ACOT11: variants seen among roughly 807,000 people sequenced by gnomAD.
ACOT11 encodes the protein acyl-CoA thioesterase 11.
In ACOT11, 69 loss-of-function variants were observed where a neutral mutation model predicts 77.5. The observed-to-expected ratio is 0.89, with a 90% CI of 0.73 to 1.09. ACOT11 has a LOEUF of 1.09. Ranked by LOEUF, ACOT11 falls within the 50% of genes least tolerant of loss-of-function variation. The pLI is 0.00. For synonymous variants in ACOT11, 279 were observed against 313.0 expected, an observed-to-expected ratio of 0.89 and a Z score of 1.15; for missense variants, 766 against 813.7, an observed-to-expected ratio of 0.94 and a Z score of 0.71.
In ACOT11 at chr1:54,625,953, AGAAAGAAAGAAAAAAAGAAAAG is replaced by A. The variant is rs1644269938; in HGVS notation, c.1630-4780_1630-4759del. Among the ~76,000 whole-genome samples, 4 of 119,914 alleles carry A rather than the reference AGAAAGAAAGAAAAAAAGAAAAG, an allele frequency of 3.3e-5. 1 individual carries two copies. In the South Asian group the frequency reaches 8.4e-4, roughly 25 times the overall value. 78.7% of individuals were successfully genotyped at this position (119,914 alleles called of 152,430 possible). A position where few individuals can be genotyped will look rare whatever the true frequency, so the allele number is the denominator to read the frequency against. On this transcript the variant is annotated intron_variant, in intron 15 of 16. Coordinates refer to the ACOT11 transcript ENST00000371316. ...AAACTCTGTCTCAAAAAAAAAAAAA[AGAAAGAAAGAAAAAAAGAAAAG>A]AAAAGGCCAGCATGGTGGCTCACAC...
At chr1:54,616,525 C>A (rs1644175672) in intron 15 of ACOT11, among the ~76,000 whole-genome samples, 1 of 151,986 alleles carries the variant, frequency 6.6e-6, no homozygotes. Context: ...AGGCGTGTGC[C>A]ACCATGCCTA....
chr1:54,608,408 AGCGCAGTCC>A (rs944658998), intron 15 of ACOT11, among the ~76,000 whole-genome samples: 22 of 152,122 alleles, frequency 1.4e-4, no homozygotes, highest in Admixed American at 1.4e-3. Flanking sequence ...AAAACCCAGC[AGCGCAGTCC>A]GTGTTGATGG....
intron 15 of ACOT11, among the ~76,000 whole-genome samples, chr1:54,618,534 C>A (rs948871714): frequency 1.3e-5 from 2 of 152,020 alleles, no homozygotes; most frequent in Admixed American, 1.3e-4. Context: ...AAACTCTTTT[C>A]ACCTTAAAAA....
At chr1:54,571,455 G>A (rs74071845) in intron 1 of ACOT11, among the ~76,000 whole-genome samples, 1,534 of 152,252 alleles carry the variant, frequency 0.01, 20 homozygotes, top group African/African-American at 0.029. Context: ...GGATGGTGCC[G>A]CGTAGAGAGT....
At position 54,597,479 on chromosome 1, in the gene ACOT11, C is replaced by G; in HGVS notation, c.764+64C>G. ...CTCCTCCTCCTCCCCTTGGCTACCT[C>G]CCTCTGGAGGGGAAACCCCAGCTTG... On this transcript the variant is annotated intron_variant, in intron 7 of 15. Transcript: ENST00000343744. 2.0e-6 allele frequency: 3 copies of G among 1,512,348 alleles called. No homozygotes were observed. The Admixed American group carries it at 6.2e-5, about 31-fold the overall frequency. The allele number at this position is 1,512,348 out of a possible 1,614,324, so 93.7% of individuals were successfully genotyped here. A position where few individuals can be genotyped will look rare whatever the true frequency, so the allele number is the denominator to read the frequency against.
At chr1:54,613,265 G>C (rs1644137699), downstream of ACOT11, among the ~76,000 whole-genome samples, 1 of 152,040 alleles carries the variant, frequency 6.6e-6, no homozygotes, top group African/African-American at 2.4e-5. Flanking sequence ...TATAATCCCA[G>C]CTACTTGGGA....
In ACOT11 at chr1:54,624,430, T is replaced by C. The variant is rs548469872; in HGVS notation, c.1630-6304T>C. Among the ~76,000 whole-genome samples the C allele has an allele frequency of 1.7e-3, 258 of 152,142 alleles. 2 individuals are homozygous for C. The highest frequency in any genetic ancestry group is 5.8e-3 in the African/African-American group (239 of 41,526). ...TTGTCGTGGGTCATTCCTGAGTCCATTTTCCTGCCTCGGCCTTCCCGAGGA... is the reference window on the plus strand; with the variant it reads ...TTGTCGTGGGTCATTCCTGAGTCCACTTTCCTGCCTCGGCCTTCCCGAGGA... On this transcript the variant is annotated intron_variant, in intron 15 of 16. Coordinates refer to the ACOT11 transcript ENST00000371316.
chr1:54,589,752 A>G (rs1329777646), intron 3 of ACOT11, among the ~76,000 whole-genome samples: 2 of 152,082 alleles, frequency 1.3e-5, no homozygotes, highest in African/African-American at 2.4e-5. Context: ...CTTCTAAAGC[A>G]TTAAGATAAC....
intron 1 of ACOT11, among the ~76,000 whole-genome samples, chr1:54,556,542 C>A (rs1157364170): frequency 6.6e-6 from 1 of 151,780 alleles, no homozygotes; most frequent in African/African-American, 2.4e-5. Flanking sequence ...TCATTTATAT[C>A]TTCTTCAATT....
intron 15 of ACOT11, chr1:54,623,515 T>C: frequency 1.3e-6 from 1 of 745,436 alleles, no homozygotes; most frequent in South Asian, 1.6e-5. Flanking sequence ...CCACCGGGCC[T>C]GGTCTGCTCT....
In ACOT11 at chr1:54,582,766, G is replaced by A. The variant is rs143259466; in HGVS notation, c.34-1889G>A. ...TGGTAAAGCGGGGGTGCTGTGTGTC[G>A]GCGTCCCTGTGTGTGTGTCCAGACT... On this transcript the variant is annotated intron_variant, in intron 1 of 15. Coordinates refer to ENST00000343744, the MANE Select transcript of ACOT11 (RefSeq NM_147161.4). 4.6e-5 allele frequency among the ~76,000 whole-genome samples: 7 copies of A among 152,210 alleles called. No individual in the cohort carries two copies. The East Asian group carries it at 5.8e-4, about 13-fold the overall frequency.
chr1:54,634,867 C>T (rs1644322517), exon 17 of ACOT11: 4 of 556,928 alleles, frequency 7.2e-6, no homozygotes, highest in Non-Finnish European at 1.3e-5. Flanking sequence ...AGCCACCCCG[C>T]TAAGAACAGA....
At chr1:54,637,518 C>G (rs1244136350) in exon 17 of ACOT11, 2 of 152,136 alleles carry the variant, frequency 1.3e-5, no homozygotes, top group African/African-American at 4.8e-5. Flanking sequence ...TGTGGTGGCT[C>G]ACGCCTGTAA....
chr1:54,599,365 C>A lies in ACOT11; in HGVS notation c.834C>A (p.Val278=), dbSNP rs144063744. Residue 278 remains valine (V), a synonymous_variant, in exon 8 of 16, where the codon GTC becomes GTA. Transcript: ENST00000343744. ...EMFHFRGPSQ[V]GDRLVLKAIV... ...TCCACTTCCGAGGCCCGTCCCAGGT[C>A]GGCGACCGTCTGGTGCTCAAAGCCA... 6.2e-7 allele frequency: 1 copy of A among 1,608,692 alleles called. No homozygotes were observed. Among genetic ancestry groups the A allele is most frequent in the Non-Finnish European group, 8.5e-7 (1 of 1,177,786 alleles).
At chr1:54,558,916 G>A (rs532637297) in intron 1 of ACOT11, among the ~76,000 whole-genome samples, 1 of 152,282 alleles carries the variant, frequency 6.6e-6, no homozygotes, top group African/African-American at 2.4e-5. Context: ...GTTCCCGCAC[G>A]CTGGGCTCAG....
chr1:54,566,755 G>A (rs1292681861), intron 1 of ACOT11, among the ~76,000 whole-genome samples: 2 of 152,140 alleles, frequency 1.3e-5, no homozygotes, highest in African/African-American at 4.8e-5. Context: ...AGTGCTGGAA[G>A]GTTGGGTTTA....
chr1:54,602,650 AT>A lies in ACOT11; in HGVS notation c.1030-18del. ...GGAGGGTGGGGGTAGCTGGTTGCCT[AT>A]CCCGACTTCCTCCCCAGGATGGTGA... On this transcript the variant is annotated intron_variant, in intron 9 of 15. Transcript: ENST00000343744. The A allele has an allele frequency of 6.6e-7, 1 of 1,517,738 alleles. No homozygotes were observed. The allele number at this position is 1,517,738 out of a possible 1,614,324, so 94.0% of individuals were successfully genotyped here. A position where few individuals can be genotyped will look rare whatever the true frequency, so the allele number is the denominator to read the frequency against.
At chr1:54,590,601 G>A (rs1056092862) in intron 3 of ACOT11, among the ~76,000 whole-genome samples, 5 of 152,052 alleles carry the variant, frequency 3.3e-5, no homozygotes, top group African/African-American at 1.2e-4. Flanking sequence ...TTATCTGGGG[G>A]ACCACAGAAG....
rs189480870 is a variant in ACOT11 at position 54,582,726 on chromosome 1, C to T, written c.34-1929C>T. On this transcript the variant is annotated intron_variant, in intron 1 of 15. Coordinates refer to ENST00000343744, the MANE Select transcript of ACOT11 (RefSeq NM_147161.4). ...TCCTCGTGAGGGCTCAGAGAAGTGG[C>T]GGACGTGCCCAGGCTGGTAAAGCGG... Among the ~76,000 whole-genome samples, 255 of 152,212 alleles carry T rather than the reference C, an allele frequency of 1.7e-3. 1 individual carries two copies. The highest frequency in any genetic ancestry group is 3.4e-3 in the Admixed American group (52 of 15,294).
Sources: allele counts gnomAD v4.1 joint callset (sites outside exome capture counted in the v4.1 genomes callset), GRCh38; gene constraint gnomAD v4.1.1; transcripts MANE v1.5; gene names NCBI Gene and HGNC (gene_info 2026-07-23, HGNC 2026-07-21).